Variants in POU6F2 observed in about 807,000 individuals in gnomAD.
The protein encoded by POU6F2 is POU domain, class 6, transcription factor 2.
A neutral mutation model predicts 71.3 loss-of-function variants in POU6F2; 31 were observed. That is an observed-to-expected ratio of 0.43 (90% CI 0.33 to 0.59). The LOEUF (loss-of-function observed/expected upper bound fraction) is 0.59, where lower values mean the gene tolerates loss of function less well. Ranked by LOEUF, POU6F2 falls within the 20% of genes least tolerant of loss-of-function variation. The probability of loss-of-function intolerance (pLI) is 0.04; values close to 1 mark genes in which losing one functional copy is unlikely to be tolerated. For synonymous variants in POU6F2, 347 were observed against 355.7 expected, an observed-to-expected ratio of 0.98 and a Z score of 0.27; for missense variants, 783 against 856.8, an observed-to-expected ratio of 0.91 and a Z score of 1.07.
At chr7:39,421,772 A>G (rs1038166928) in intron 6 of POU6F2, among the ~76,000 whole-genome samples, 1 of 152,112 alleles carries the variant, frequency 6.6e-6, no homozygotes, top group Non-Finnish European at 1.5e-5. Context: ...TAAACATTTC[A>G]TAGGTCTAAT....
intron 4 of POU6F2, among the ~76,000 whole-genome samples, chr7:39,292,969 C>G (rs896385946): frequency 2.0e-5 from 3 of 152,160 alleles, no homozygotes; most frequent in Non-Finnish European, 4.4e-5. Context: ...CCTTCCAAAC[C>G]CCGAATCTTG....
In POU6F2 at chr7:39,364,260, C is replaced by CTTT. The variant is rs112590056; in HGVS notation, c.972+24258_972+24260dup. 5.6e-3 allele frequency among the ~76,000 whole-genome samples: 804 copies of CTTT among 143,946 alleles called. 1 individual carries two copies. The highest frequency in any genetic ancestry group is 0.019 in the African/African-American group (759 of 39,082). The allele number at this position is 143,946 out of a possible 152,430, so 94.4% of individuals were successfully genotyped here. A position where few individuals can be genotyped will look rare whatever the true frequency, so the allele number is the denominator to read the frequency against. ...TTTCTTCTGATGGATTCTCTATTCT[C>CTTT]TTTTTTTTTTTTTTTATTTCCATAG... On this transcript the variant is annotated intron_variant, in intron 5 of 9. Transcript: ENST00000518318.
chr7:39,330,404 TC>T (rs942383327), intron 4 of POU6F2, among the ~76,000 whole-genome samples: 15 of 152,242 alleles, frequency 9.9e-5, no homozygotes, highest in African/African-American at 3.1e-4. Flanking sequence ...TCCCTTCCCC[TC>T]CTCCCTCCCA....
intron 2 of POU6F2, among the ~76,000 whole-genome samples, chr7:39,141,764 C>T (rs967661212): frequency 2.0e-5 from 3 of 152,070 alleles, no homozygotes; most frequent in Admixed American, 6.6e-5. Context: ...AGGAATGCCA[C>T]GAAAGAAGAC....
intron 1 of POU6F2, among the ~76,000 whole-genome samples, chr7:38,998,904 T>G (rs909538330): frequency 6.6e-6 from 1 of 150,692 alleles, no homozygotes; most frequent in Non-Finnish European, 1.5e-5. Context: ...AACTTCATGA[T>G]CCGCCCGCCT....
Position 39,339,688 on chromosome 7 carries a change from C to CCAGCAGCAGCAG in POU6F2, c.665_676dup (p.Gln222_Gln225dup), listed in dbSNP as rs751710078. ...AGCTCCAGCAGCTCCAGCTCCAGCT[C>CCAGCAGCAGCAG]CAGCAGCAGCAGCAGCAGCAGCAGC... is the stretch of plus-strand genomic sequence containing the variant. On this transcript the variant is annotated inframe_insertion, in exon 5 of 10. Coordinates refer to ENST00000518318, the MANE Select transcript of POU6F2 (RefSeq NM_001370959.1). The CCAGCAGCAGCAG allele has an allele frequency of 1.3e-6, 2 of 1,597,816 alleles. No homozygotes were observed. The highest frequency in any genetic ancestry group is 1.7e-6 in the Non-Finnish European group (2 of 1,174,946).
chr7:39,272,463 T>C (rs1784358250), intron 4 of POU6F2, among the ~76,000 whole-genome samples: 1 of 152,196 alleles, frequency 6.6e-6, no homozygotes, highest in Admixed American at 6.5e-5. Context: ...CAAGGACTGC[T>C]TTCAGGGACA....
chr7:39,291,946 C>CT (rs80150010), intron 4 of POU6F2, among the ~76,000 whole-genome samples: 51 of 143,082 alleles, frequency 3.6e-4, no homozygotes, highest in Non-Finnish European at 5.5e-4. Flanking sequence ...TTCCCTTTAC[C>CT]TTTTTTTTTT....
At chr7:39,141,796 T>C (rs1271562975) in intron 2 of POU6F2, among the ~76,000 whole-genome samples, 1 of 152,190 alleles carries the variant, frequency 6.6e-6, no homozygotes, top group Non-Finnish European at 1.5e-5. Context: ...TTAAAAATAT[T>C]GTCACACCAG....
At chr7:39,383,846 C>T (rs1408578454) in intron 5 of POU6F2, among the ~76,000 whole-genome samples, 3 of 152,220 alleles carry the variant, frequency 2.0e-5, no homozygotes, top group Non-Finnish European at 4.4e-5. Flanking sequence ...AAGATCTGGG[C>T]AGCTTCTCTG....
At chr7:39,002,313 C>T (rs1026155359) in intron 1 of POU6F2, among the ~76,000 whole-genome samples, 32 of 151,028 alleles carry the variant, frequency 2.1e-4, no homozygotes, top group Non-Finnish European at 3.2e-4. Flanking sequence ...TTGATTTTGC[C>T]TTGAGGTTAG....
At chr7:39,176,733 C>CAAGAAATAA (rs1312540475) in intron 2 of POU6F2, among the ~76,000 whole-genome samples, 2 of 152,134 alleles carry the variant, frequency 1.3e-5, no homozygotes, top group Non-Finnish European at 2.9e-5. Context: ...CTTGTGTTAG[C>CAAGAAATAA]AAGAAATAAC....
intron 4 of POU6F2, among the ~76,000 whole-genome samples, chr7:39,306,224 G>A (rs1785045911): frequency 6.6e-6 from 1 of 152,208 alleles, no homozygotes; most frequent in Admixed American, 6.5e-5. Flanking sequence ...AGTCACGCTT[G>A]CTTATAAAAG....
At chr7:39,444,522 T>C (rs1583609695) in intron 7 of POU6F2, among the ~76,000 whole-genome samples, 1 of 152,240 alleles carries the variant, frequency 6.6e-6, no homozygotes. Flanking sequence ...AGGCAGAGGT[T>C]GCGGTGACCC....
chr7:39,054,716 G>A (rs1475366831), intron 1 of POU6F2, among the ~76,000 whole-genome samples: 1 of 151,582 alleles, frequency 6.6e-6, no homozygotes, highest in African/African-American at 2.4e-5. Flanking sequence ...CAGTGGGGGT[G>A]GGGGAAGAAG....
At chr7:39,332,681 C>A (rs1383639397) in intron 4 of POU6F2, among the ~76,000 whole-genome samples, 2 of 152,112 alleles carry the variant, frequency 1.3e-5, no homozygotes, top group Non-Finnish European at 2.9e-5. Context: ...ATTTATGTTT[C>A]TTTGTATGTG....
chr7:39,114,457 T>C (rs1791887655), intron 2 of POU6F2, among the ~76,000 whole-genome samples: 2 of 152,180 alleles, frequency 1.3e-5, no homozygotes, highest in South Asian at 4.1e-4. Flanking sequence ...AGCCCGCTGC[T>C]TTTCAAAGGC....
At chr7:39,095,075 A>T (rs559788018) in intron 2 of POU6F2, among the ~76,000 whole-genome samples, 16 of 152,162 alleles carry the variant, frequency 1.1e-4, no homozygotes, top group African/African-American at 3.9e-4. Flanking sequence ...AAATCCATAC[A>T]CTATTCTATA....
intron 2 of POU6F2, among the ~76,000 whole-genome samples, chr7:39,146,772 C>G (rs1792634061): frequency 6.6e-6 from 1 of 152,124 alleles, no homozygotes; most frequent in Admixed American, 6.5e-5. Flanking sequence ...AACTGAGACT[C>G]AGGAGTAGAA....
Sources: allele counts gnomAD v4.1 joint callset (sites outside exome capture counted in the v4.1 genomes callset), GRCh38; gene constraint gnomAD v4.1.1; transcripts MANE v1.5; gene names NCBI Gene and HGNC (gene_info 2026-07-23, HGNC 2026-07-21).